SDC2: variants seen among roughly 807,000 people sequenced by gnomAD.
SDC2 encodes syndecan-2.
In SDC2, 13 loss-of-function variants were observed where a neutral mutation model predicts 22.2. The ratio of observed to expected loss-of-function variants is 0.59; its 90% CI spans 0.38 to 0.93. SDC2 has a LOEUF of 0.93. Ranked by LOEUF, SDC2 falls within the 40% of genes least tolerant of loss-of-function variation. The pLI is 0.00. For missense variants in SDC2, 235 were observed against 246.8 expected, an observed-to-expected ratio of 0.95 and a Z score of 0.32; for synonymous variants, 94 against 92.8, an observed-to-expected ratio of 1.01 and a Z score of -0.07.
At chr8:96,534,646 A>G (rs1398354561) in intron 1 of SDC2, among the ~76,000 whole-genome samples, 3 of 151,854 alleles carry the variant, frequency 2.0e-5, no homozygotes, top group African/African-American at 7.3e-5. Context: ...CATGTTGCCC[A>G]GGCTGATCTC....
At position 96,508,931 on chromosome 8, in the gene SDC2, G is replaced by A. The variant is rs938316196; in HGVS notation, c.60+14600G>A. Among the ~76,000 whole-genome samples the A allele has an allele frequency of 1.2e-4, 17 of 142,338 alleles. 2 individuals are homozygous for A. The highest frequency in any genetic ancestry group is 4.3e-4 in the African/African-American group (17 of 39,876). 93.4% of individuals were successfully genotyped at this position (142,338 alleles called of 152,430 possible). ...CAAATCATGAAGTATCTAATGGATG[G>A]TTGCAGCCCCGAATCATGAAGTGTC... On this transcript the variant is annotated intron_variant, in intron 1 of 4. Coordinates refer to ENST00000302190, the MANE Select transcript of SDC2 (RefSeq NM_002998.4).
At chr8:96,576,120 T>A (rs911464902) in intron 1 of SDC2, among the ~76,000 whole-genome samples, 1 of 152,074 alleles carries the variant, frequency 6.6e-6, no homozygotes, top group African/African-American at 2.4e-5. Flanking sequence ...GTGGGCCCAA[T>A]TTATTTAAGT....
intron 1 of SDC2, chr8:96,580,572 A>G (rs1338581862): frequency 5.9e-5 from 57 of 967,442 alleles, no homozygotes; most frequent in Non-Finnish European, 6.8e-5. Context: ...TCTGGAGGTG[A>G]GTGTGCCTGA....
chr8:96,559,318 T>C (rs1168938470), intron 1 of SDC2, among the ~76,000 whole-genome samples: 1 of 152,212 alleles, frequency 6.6e-6, no homozygotes, highest in Non-Finnish European at 1.5e-5. Context: ...TAATCTTCAC[T>C]AACTTGGAGA....
chr8:96,603,049 G>GA (rs1815020106), intron 3 of SDC2, among the ~76,000 whole-genome samples: 2 of 152,266 alleles, frequency 1.3e-5, no homozygotes, highest in South Asian at 4.1e-4. Context: ...TTCATTTTGA[G>GA]AGCTGACTTA....
intron 1 of SDC2, among the ~76,000 whole-genome samples, chr8:96,551,624 A>C (rs1012555118): frequency 2.0e-5 from 3 of 152,152 alleles, no homozygotes; most frequent in African/African-American, 7.2e-5. Flanking sequence ...GCCTCTCATC[A>C]CCAAATGCAA....
At chr8:96,500,012 A>G (rs1039256887) in intron 1 of SDC2, among the ~76,000 whole-genome samples, 1 of 152,154 alleles carries the variant, frequency 6.6e-6, no homozygotes, top group South Asian at 2.1e-4. Flanking sequence ...AAGAAGTTTC[A>G]CGCTGGCCAC....
At chr8:96,601,792 C>G (rs1563677872) in intron 2 of SDC2, among the ~76,000 whole-genome samples, 1 of 151,704 alleles carries the variant, frequency 6.6e-6, no homozygotes, top group Non-Finnish European at 1.5e-5. Flanking sequence ...CAGAGTCTCA[C>G]CCTGCCACCC....
chr8:96,599,547 C>T (rs193232681), intron 2 of SDC2, among the ~76,000 whole-genome samples: 13 of 148,432 alleles, frequency 8.8e-5, no homozygotes, highest in South Asian at 6.4e-4. Context: ...CCTATATTTA[C>T]GTAACAGTTT....
intron 1 of SDC2, among the ~76,000 whole-genome samples, chr8:96,556,222 G>A (rs373945658): frequency 3.3e-5 from 5 of 152,092 alleles, no homozygotes; most frequent in African/African-American, 1.2e-4. Context: ...AGTTAGCTAT[G>A]TATTAGCCTT....
chr8:96,513,310 C>G (rs1813355031), intron 1 of SDC2, among the ~76,000 whole-genome samples: 1 of 152,074 alleles, frequency 6.6e-6, no homozygotes, highest in Non-Finnish European at 1.5e-5. Context: ...TAAGATTTAC[C>G]CAAAACACTA....
chr8:96,608,130 G>A (rs1033152714), intron 3 of SDC2, among the ~76,000 whole-genome samples: 2 of 152,162 alleles, frequency 1.3e-5, no homozygotes, highest in East Asian at 1.9e-4. Flanking sequence ...CTGATCATGC[G>A]ATGGGTGTTG....
chr8:96,603,759 C>A (rs78929595), intron 3 of SDC2, among the ~76,000 whole-genome samples: 1,981 of 152,188 alleles, frequency 0.013, 50 homozygotes, highest in African/African-American at 0.045. Context: ...AGCCAGGAAG[C>A]CAGCCCTGTC....
rs536753879 is a variant in SDC2 at position 96,527,859 on chromosome 8, A to G, written c.60+33528A>G. ...AAAAGCCTGTTTTTTAACTGATTCT[A>G]TAGTTCATTTGGAAGACTATGTATA... On this transcript the variant is annotated intron_variant, in intron 1 of 4. Coordinates refer to ENST00000302190, the MANE Select transcript of SDC2 (RefSeq NM_002998.4). 1.4e-4 allele frequency among the ~76,000 whole-genome samples: 22 copies of G among 152,344 alleles called. No individual in the cohort carries two copies. In the Middle Eastern group the frequency reaches 0.01, roughly 71 times the overall value.
chr8:96,551,297 C>A (rs1814022595), intron 1 of SDC2, among the ~76,000 whole-genome samples: 2 of 152,216 alleles, frequency 1.3e-5, no homozygotes, highest in Non-Finnish European at 1.5e-5. Flanking sequence ...CCTGTAGTTA[C>A]AATTTTCCTA....
rs370731563 is a variant in SDC2 at position 96,593,508 on chromosome 8, T to A, written c.89T>A (p.Met30Lys). The part of the protein sequence containing the change: ...SRAELTSDKD[M>K]YLDNSSIEEA... Reference sequence around the variant, plus strand: ...GCAGAGCTGACATCTGATAAAGACATGTACCTTGACAACAGCTCCATTGAA... The same window carrying A: ...GCAGAGCTGACATCTGATAAAGACAAGTACCTTGACAACAGCTCCATTGAA... The change falls in exon 2 of 5, where the codon ATG becomes AAG. Residue 30 changes from methionine to lysine, a missense_variant. By Grantham distance (95) the Met-to-Lys change is moderately conservative. Transcript: ENST00000302190. The A allele has an allele frequency of 5.6e-5, 90 of 1,613,700 alleles. No homozygotes were observed. The highest frequency in any genetic ancestry group is 7.5e-5 in the Non-Finnish European group (89 of 1,179,678).
intron 1 of SDC2, among the ~76,000 whole-genome samples, chr8:96,525,291 C>T (rs988709391): frequency 2.6e-5 from 4 of 152,166 alleles, no homozygotes; most frequent in African/African-American, 9.7e-5. Flanking sequence ...CTTGGGAAGC[C>T]ACCCCATTTG....
At chr8:96,580,271 G>A in intron 1 of SDC2, 1 of 462,008 alleles carries the variant, frequency 2.2e-6, no homozygotes, top group Non-Finnish European at 2.8e-6. Flanking sequence ...AGCCTCCAAA[G>A]CAGGAGGGGC....
chr8:96,496,402 A>C lies in SDC2; in HGVS notation c.60+2071A>C, dbSNP rs1464374836. Among the ~76,000 whole-genome samples, 31 of 152,190 alleles carry C rather than the reference A, an allele frequency of 2.0e-4. 1 individual carries two copies. The highest frequency in any genetic ancestry group is 2.0e-3 in the Admixed American group (31 of 15,284). On this transcript the variant is annotated intron_variant, in intron 1 of 4. Coordinates refer to ENST00000302190, the MANE Select transcript of SDC2 (RefSeq NM_002998.4). The stretch of plus-strand genomic sequence containing the variant: ...TTTCAGTAATTGGAAAATCATCCAA[A>C]AAGGGTGATTAGATATTTATAAAAT...
Sources: allele counts gnomAD v4.1 joint callset (sites outside exome capture counted in the v4.1 genomes callset), GRCh38; gene constraint gnomAD v4.1.1; transcripts MANE v1.5; gene names NCBI Gene and HGNC (gene_info 2026-07-23, HGNC 2026-07-21).